The following NRG1 variants were observed in gnomAD, a reference collection of about 807,000 sequenced individuals.
NRG1 encodes pro-neuregulin-1, membrane-bound isoform.
A neutral mutation model predicts 63.8 loss-of-function variants in NRG1; 18 were observed. That is an observed-to-expected ratio of 0.28 (90% confidence interval 0.19 to 0.42). The LOEUF (loss-of-function observed/expected upper bound fraction) is 0.42, where lower values mean the gene tolerates loss of function less well. NRG1 is among the 10% of genes least tolerant of loss of function. NRG1 has a pLI of 1.00. For synonymous variants in NRG1, 302 were observed against 301.3 expected, an observed-to-expected ratio of 1.00 and a Z score of -0.02; for missense variants, 762 against 814.7, an observed-to-expected ratio of 0.94 and a Z score of 0.79.
intron 1 of NRG1, among the ~76,000 whole-genome samples, chr8:32,438,353 G>C (rs907882269): frequency 6.6e-6 from 1 of 152,108 alleles, no homozygotes; most frequent in African/African-American, 2.4e-5. Flanking sequence ...GATTTATCTA[G>C]GTGCTTGTGT....
At chr8:32,616,948 G>A in intron 5 of NRG1, 63 bp downstream of exon 5, 3 of 1,214,578 alleles carry the variant, frequency 2.5e-6, no homozygotes, top group Admixed American at 1.7e-5. Flanking sequence ...GCTTTGGAAG[G>A]TCATGTTCAC....
chr8:32,741,951 C>G, intron 6 of NRG1, 57 bp from the exon 7 acceptor site: 1 of 1,372,770 alleles, frequency 7.3e-7, no homozygotes, highest in Non-Finnish European at 1.0e-6. Context: ...AATTGCCAGT[C>G]TGAAAGCTCA....
At chr8:31,829,518 A>G (rs1824903647) in intron 1 of NRG1, among the ~76,000 whole-genome samples, 1 of 152,222 alleles carries the variant, frequency 6.6e-6, no homozygotes. Context: ...AATGTTTATT[A>G]GAATTTCATC....
chr8:31,700,939 T>C (rs1810567529), intron 1 of NRG1, among the ~76,000 whole-genome samples: 1 of 152,192 alleles, frequency 6.6e-6, no homozygotes, highest in Non-Finnish European at 1.5e-5. Flanking sequence ...TTAAATCACA[T>C]TTCTGCAGTT....
intron 1 of NRG1, among the ~76,000 whole-genome samples, chr8:32,425,158 A>C (rs1817201161): frequency 6.6e-6 from 1 of 152,238 alleles, no homozygotes; most frequent in African/African-American, 2.4e-5. Context: ...GAATGATACT[A>C]TCCAAGCTGC....
At chr8:32,532,735 T>C (rs1395101839) in intron 1 of NRG1, among the ~76,000 whole-genome samples, 1 of 152,064 alleles carries the variant, frequency 6.6e-6, no homozygotes, top group Non-Finnish European at 1.5e-5. Flanking sequence ...GATTTGTTTT[T>C]AAAGGTTTTT....
At chr8:31,825,203 C>T (rs1283547905) in intron 1 of NRG1, among the ~76,000 whole-genome samples, 1 of 152,052 alleles carries the variant, frequency 6.6e-6, no homozygotes, top group East Asian at 1.9e-4. Flanking sequence ...TCCTGGCTAA[C>T]ATGGTGAAAC....
chr8:32,382,765 C>A (rs969488875), intron 1 of NRG1, among the ~76,000 whole-genome samples: 2 of 152,140 alleles, frequency 1.3e-5, no homozygotes, highest in African/African-American at 4.8e-5. Flanking sequence ...GATATGACTT[C>A]AGCTGATACA....
intron 1 of NRG1, among the ~76,000 whole-genome samples, chr8:32,472,772 G>A (rs561410329): frequency 1.1e-4 from 16 of 152,220 alleles, no homozygotes; most frequent in East Asian, 5.8e-4. Flanking sequence ...TGTTGTTTGC[G>A]TTGTCGTGCG....
At chr8:32,423,601 A>G (rs1397589230) in intron 1 of NRG1, among the ~76,000 whole-genome samples, 1 of 152,084 alleles carries the variant, frequency 6.6e-6, no homozygotes, top group Non-Finnish European at 1.5e-5. Flanking sequence ...AGCCATGTTC[A>G]TGCCAGTGCA....
chr8:31,702,501 T>C (rs889209742), intron 1 of NRG1, among the ~76,000 whole-genome samples: 1 of 152,072 alleles, frequency 6.6e-6, no homozygotes, highest in Admixed American at 6.6e-5. Context: ...ATATGGGCTT[T>C]ATATCTTCAT....
intron 1 of NRG1, among the ~76,000 whole-genome samples, chr8:31,915,957 C>G (rs1189874392): frequency 2.6e-5 from 4 of 152,048 alleles, no homozygotes. Context: ...GTCCTTACTA[C>G]CAAGCATATT....
chr8:32,636,898 G>A (rs1342974724), intron 5 of NRG1, among the ~76,000 whole-genome samples: 1 of 151,974 alleles, frequency 6.6e-6, no homozygotes, highest in Non-Finnish European at 1.5e-5. Context: ...AGGTAGTGAT[G>A]GGTGGAGGCT....
At chr8:32,743,596 A>ATATATATATATATAT (rs58229077) in intron 7 of NRG1, among the ~76,000 whole-genome samples, 25 of 143,864 alleles carry the variant, frequency 1.7e-4, no homozygotes, top group East Asian at 4.1e-4. Context: ...ATATATATAT[A>ATATATATATATATAT]AAACTTAATA....
intron 1 of NRG1, among the ~76,000 whole-genome samples, chr8:32,495,607 C>A (rs906820565): frequency 1.3e-5 from 2 of 151,934 alleles, no homozygotes; most frequent in African/African-American, 2.4e-5. Flanking sequence ...GGATTACAGG[C>A]GCTCGCCACC....
chr8:32,310,418 C>T (rs1394595593), intron 1 of NRG1, among the ~76,000 whole-genome samples: 1 of 152,150 alleles, frequency 6.6e-6, no homozygotes, highest in Non-Finnish European at 1.5e-5. Context: ...GATTATCGAT[C>T]CCACAAAATA....
rs1317985759 is a variant in NRG1, at chr8:32,317,726, A to G, written c.38-278102A>G. ...ATGCAAGGATAAAATAGATAAAAATATCTCCCCACCCTAATTGTGCTCTTT... is the reference window on the plus strand; with the variant it reads ...ATGCAAGGATAAAATAGATAAAAATGTCTCCCCACCCTAATTGTGCTCTTT... On this transcript the variant is annotated intron_variant, in intron 1 of 10. Coordinates refer to the NRG1 transcript ENST00000519301. 2.6e-5 allele frequency among the ~76,000 whole-genome samples: 4 copies of G among 152,224 alleles called. No individual in the cohort carries two copies. In the East Asian group the frequency reaches 7.7e-4, roughly 29 times the overall value.
intron 1 of NRG1, among the ~76,000 whole-genome samples, chr8:31,722,819 T>G (rs920037770): frequency 6.6e-6 from 1 of 152,154 alleles, no homozygotes; most frequent in African/African-American, 2.4e-5. Flanking sequence ...GCCATATTAC[T>G]CCCATTTCTT....
chr8:31,928,352 T>TAAAAAAAAAAAAA (rs77001238), intron 1 of NRG1, among the ~76,000 whole-genome samples: 3 of 80,102 alleles, frequency 3.7e-5, no homozygotes, highest in African/African-American at 5.0e-5. Flanking sequence ...ATGGATGTGG[T>TAAAAAAAAAAAAA]AAAAAAAAAA....
Sources: gnomAD v4.1 joint callset for allele counts (sites outside exome capture counted in the v4.1 genomes callset) on GRCh38, gnomAD v4.1.1 for gene constraint, MANE v1.5 for transcripts, NCBI Gene and HGNC (gene_info 2026-07-23, HGNC 2026-07-21) for gene names.